Variants in PDE1C observed in about 807,000 individuals in gnomAD.
The protein encoded by PDE1C is dual specificity calcium/calmodulin-dependent 3',5'-cyclic nucleotide phosphodiesterase 1C.
PDE1C carries 62 observed loss-of-function variants against 93.1 expected under a neutral mutation model. The ratio of observed to expected loss-of-function variants is 0.67; its 90% CI spans 0.54 to 0.82. PDE1C has a LOEUF of 0.82. Ranked by LOEUF, PDE1C falls within the 40% of genes least tolerant of loss-of-function variation. The probability of loss-of-function intolerance (pLI) is 0.00; values close to 1 mark genes in which losing one functional copy is unlikely to be tolerated. For missense variants in PDE1C, 742 were observed against 884.6 expected, an observed-to-expected ratio of 0.84 and a Z score of 2.04; for synonymous variants, 325 against 310.1, an observed-to-expected ratio of 1.05 and a Z score of -0.50.
At chr7:31,956,349 C>T (rs527772779) in intron 2 of PDE1C, among the ~76,000 whole-genome samples, 76 of 152,174 alleles carry the variant, frequency 5.0e-4, no homozygotes, top group African/African-American at 1.7e-3. Context: ...GCCAGGGCCT[C>T]CCAAAGTGCT....
intron 6 of PDE1C, among the ~76,000 whole-genome samples, chr7:31,870,994 A>G (rs1005332330): frequency 4.0e-5 from 6 of 151,534 alleles, no homozygotes; most frequent in Non-Finnish European, 8.8e-5. Flanking sequence ...TACTATTAGT[A>G]TAAAAAATAG....
chr7:32,036,874 C>T (rs991498763), intron 2 of PDE1C, among the ~76,000 whole-genome samples: 1 of 152,156 alleles, frequency 6.6e-6, no homozygotes, highest in East Asian at 1.9e-4. Flanking sequence ...CCACAGCTCT[C>T]ACTCGGACCT....
intron 3 of PDE1C, among the ~76,000 whole-genome samples, chr7:32,124,299 A>G (rs887026466): frequency 8.5e-5 from 13 of 152,212 alleles, no homozygotes; most frequent in African/African-American, 2.7e-4. Flanking sequence ...TATAGATTCA[A>G]TGTTATTCCC....
chr7:31,687,161 T>C, the PDE1C span: 1 of 152,356 alleles, frequency 6.6e-6, no homozygotes, highest in Non-Finnish European at 1.5e-5. Flanking sequence ...AGCATCCCCA[T>C]GGCAACAGCA....
intron 1 of PDE1C, among the ~76,000 whole-genome samples, chr7:32,283,488 T>C (rs17161132): frequency 0.13 from 20,489 of 152,256 alleles, 1,548 homozygotes; most frequent in East Asian, 0.31. Flanking sequence ...TGCATAATAA[T>C]TGTTAAAATA....
chr7:32,058,888 T>C (rs1398201853), intron 1 of PDE1C, among the ~76,000 whole-genome samples: 1 of 151,808 alleles, frequency 6.6e-6, no homozygotes, highest in African/African-American at 2.4e-5. Context: ...TGAAATTCCA[T>C]GTGCACAATG....
At chr7:32,247,254 C>T (rs1809032313) in intron 1 of PDE1C, among the ~76,000 whole-genome samples, 1 of 121,924 alleles carries the variant, frequency 8.2e-6, no homozygotes, top group Non-Finnish European at 1.8e-5. Flanking sequence ...AAGCAGTGGC[C>T]ACAGACCAGG....
rs552742680 is a variant in PDE1C at position 32,202,222 on chromosome 7, C to T, written c.136+7267G>A. 2.6e-5 allele frequency among the ~76,000 whole-genome samples: 4 copies of T among 152,306 alleles called. No homozygotes were observed. The South Asian group carries it at 8.3e-4, about 32-fold the overall frequency. On this transcript the variant is annotated intron_variant, in intron 2 of 18. Transcript: ENST00000396193. ...AGCCAGTCCACTGGTGGACCACTGG[C>T]TAACATATTAGGGACCTAGGGATAT...
chr7:31,824,659 C>T (rs998803388), intron 13 of PDE1C, among the ~76,000 whole-genome samples: 5 of 152,178 alleles, frequency 3.3e-5, no homozygotes, highest in African/African-American at 1.2e-4. Flanking sequence ...ACGATTTAGA[C>T]CTTGGTCACC....
At chr7:31,698,338 G>A in the PDE1C span, among the ~76,000 whole-genome samples, 2 of 152,142 alleles carry the variant, frequency 1.3e-5, no homozygotes, top group African/African-American at 4.8e-5. Flanking sequence ...TTCTGTCCTT[G>A]TTCCTCCACC....
the PDE1C span, chr7:31,652,483 GCTGTTTA>G: frequency 2.6e-6 from 4 of 1,547,156 alleles, no homozygotes; most frequent in Non-Finnish European, 3.5e-6. Context: ...AATGTGATGT[GCTGTTTA>G]CTCTTTTTCC....
intron 3 of PDE1C, chr7:32,077,879 A>T: frequency 1.0e-6 from 1 of 985,330 alleles, no homozygotes; most frequent in South Asian, 4.7e-5. Flanking sequence ...CCTCCAGTTT[A>T]GAAATGAGGT....
the PDE1C span, among the ~76,000 whole-genome samples, chr7:31,736,199 G>C: frequency 0.99 from 151,211 of 152,354 alleles, 75,044 homozygotes; most frequent in East Asian, 1. Context: ...TCTCGTTCCA[G>C]GTCTTGTACC....
chr7:31,655,763 G>A, the PDE1C span: 1 of 985,668 alleles, frequency 1.0e-6, no homozygotes, highest in Non-Finnish European at 1.2e-6. Flanking sequence ...AAACTCCTAA[G>A]CTTTTTACTC....
chr7:32,400,496 G>T (rs1322847664), intron 1 of PDE1C, among the ~76,000 whole-genome samples: 1 of 152,214 alleles, frequency 6.6e-6, no homozygotes, highest in African/African-American at 2.4e-5. Context: ...GAGTTACAAT[G>T]CACATTTCTA....
intron 1 of PDE1C, among the ~76,000 whole-genome samples, chr7:32,410,345 A>AGAC (rs1281519440): frequency 2.8e-5 from 4 of 142,450 alleles, no homozygotes; most frequent in African/African-American, 7.7e-5. Flanking sequence ...ATTTAAAAGA[A>AGAC]GAGGAAAAGG....
the PDE1C span, among the ~76,000 whole-genome samples, chr7:31,644,269 C>T: frequency 7.0e-6 from 1 of 143,676 alleles, no homozygotes; most frequent in Non-Finnish European, 1.5e-5. Context: ...GCATCTGTAA[C>T]TCATCTCCAG....
intron 2 of PDE1C, among the ~76,000 whole-genome samples, chr7:32,040,410 T>C (rs1791659546): frequency 6.6e-6 from 1 of 152,202 alleles, no homozygotes; most frequent in Non-Finnish European, 1.5e-5. Flanking sequence ...CCATGGTCTC[T>C]ATTCACTTGA....
chr7:31,856,443 C>A (rs187743019), intron 7 of PDE1C, among the ~76,000 whole-genome samples: 1 of 152,288 alleles, frequency 6.6e-6, no homozygotes, highest in East Asian at 1.9e-4. Flanking sequence ...AAATCATGAT[C>A]ACTGCTATGA....
Sources: gnomAD v4.1 joint callset for allele counts (sites outside exome capture counted in the v4.1 genomes callset) on GRCh38, gnomAD v4.1.1 for gene constraint, MANE v1.5 for transcripts, NCBI Gene and HGNC (gene_info 2026-07-23, HGNC 2026-07-21) for gene names.